The following MIPOL1 variants were observed in gnomAD, a reference collection of about 807,000 sequenced individuals.
The protein encoded by MIPOL1 is mirror-image polydactyly gene 1 protein.
Under a neutral mutation model 60.9 loss-of-function variants are expected in MIPOL1, and 57 were observed. That is an observed-to-expected ratio of 0.94 (90% CI 0.76 to 1.17). The LOEUF is 1.17. Ranked by LOEUF, MIPOL1 falls within the 50% of genes most tolerant of loss-of-function variation. The pLI is 0.00. For missense variants in MIPOL1, 551 were observed against 511.6 expected (o/e 1.08, Z -0.74); for synonymous variants, 179 against 168.8 (o/e 1.06, Z -0.47).
At chr14:37,398,559 A>T (rs1452214981) in intron 10 of MIPOL1, among the ~76,000 whole-genome samples, 2 of 152,160 alleles carry the variant, frequency 1.3e-5, no homozygotes, top group South Asian at 4.1e-4. Flanking sequence ...CAACAATAAT[A>T]GCCATTTTAG....
At chr14:37,245,367 C>A (rs957171950) in intron 1 of MIPOL1, among the ~76,000 whole-genome samples, 2 of 152,066 alleles carry the variant, frequency 1.3e-5, no homozygotes, top group Non-Finnish European at 2.9e-5. Flanking sequence ...AGGATTTAAA[C>A]ACATTGGCAC....
At position 37,483,269 on chromosome 14, in the gene MIPOL1, C is replaced by T. The variant is rs112671146; in HGVS notation, c.1032-16639C>T. The stretch of plus-strand genomic sequence containing the variant: ...CTGGGATTATGGGCTTATGCCACCA[C>T]GCCTGGCTAATTTTTTGTATTTTTT... On this transcript the variant is annotated intron_variant, in intron 11 of 12. Coordinates refer to ENST00000684589, the MANE Select transcript of MIPOL1 (RefSeq NM_001388067.1). Among the ~76,000 whole-genome samples, 22 of 151,338 alleles carry T rather than the reference C, an allele frequency of 1.5e-4. 1 individual carries two copies. The highest frequency in any genetic ancestry group is 3.4e-4 in the African/African-American group (14 of 41,236).
chr14:37,340,733 T>G (rs925755557), intron 9 of MIPOL1, among the ~76,000 whole-genome samples: 2 of 152,144 alleles, frequency 1.3e-5, no homozygotes, highest in African/African-American at 2.4e-5. Flanking sequence ...AGATTAATTT[T>G]TTATTGAAGC....
At chr14:37,477,840 G>A (rs2094801588) in intron 11 of MIPOL1, among the ~76,000 whole-genome samples, 1 of 152,218 alleles carries the variant, frequency 6.6e-6, no homozygotes, top group African/African-American at 2.4e-5. Flanking sequence ...TGAACAGCAG[G>A]TCACTGTAAT....
intron 11 of MIPOL1, among the ~76,000 whole-genome samples, chr14:37,432,686 A>G: frequency 6.6e-6 from 1 of 152,276 alleles, no homozygotes; most frequent in Middle Eastern, 3.4e-3. Flanking sequence ...CCTTTCTTAA[A>G]ATTTAGAATT....
At chr14:37,275,193 C>T (rs1269815082) in intron 6 of MIPOL1, among the ~76,000 whole-genome samples, 1 of 151,088 alleles carries the variant, frequency 6.6e-6, no homozygotes, top group Non-Finnish European at 1.5e-5. Context: ...AAATGACCAT[C>T]TCACTCCTTA....
At chr14:37,362,929 A>G (rs2092328562) in intron 9 of MIPOL1, among the ~76,000 whole-genome samples, 1 of 152,130 alleles carries the variant, frequency 6.6e-6, no homozygotes, top group Admixed American at 6.5e-5. Context: ...ATGTGTCACG[A>G]CATTCTTGTG....
chr14:37,329,387 T>C (rs931834419), intron 9 of MIPOL1, among the ~76,000 whole-genome samples: 30 of 152,172 alleles, frequency 2.0e-4, no homozygotes, highest in African/African-American at 5.8e-4. Flanking sequence ...ACACTAGTTA[T>C]CATACTTACA....
chr14:37,330,648 T>C (rs1182054962), intron 9 of MIPOL1, among the ~76,000 whole-genome samples: 2 of 151,890 alleles, frequency 1.3e-5, no homozygotes, highest in East Asian at 1.9e-4. Context: ...AGGGCTGTTA[T>C]CAGAACATCA....
In MIPOL1 at chr14:37,268,781, A is replaced by T. The variant is rs141637706; in HGVS notation, c.375A>T (p.Thr125=). Residue 125 remains threonine (T), a synonymous_variant, in exon 5 of 13, where the codon ACA becomes ACT. Coordinates refer to ENST00000684589, the MANE Select transcript of MIPOL1 (RefSeq NM_001388067.1). ...TAAAAGAATTGGATATTCTCAGAAC[A>T]AGCAATAAAAAGGTATAATATGGAA... ...FLLKELDILR[T]SNKKLQQKLA... 3.9e-5 allele frequency: 62 copies of T among 1,575,802 alleles called. No homozygotes were observed. The African/African-American group carries it at 7.2e-4, about 18-fold the overall frequency.
chr14:37,267,261 G>T, intron 4 of MIPOL1, 92 bp downstream of exon 4: 1 of 912,442 alleles, frequency 1.1e-6, no homozygotes, highest in South Asian at 1.5e-5. Flanking sequence ...GACGAGGTGG[G>T]TGGATCACTT....
intron 11 of MIPOL1, among the ~76,000 whole-genome samples, chr14:37,482,575 G>A (rs1232779381): frequency 2.0e-5 from 3 of 152,174 alleles, no homozygotes; most frequent in Non-Finnish European, 4.4e-5. Flanking sequence ...GCAGGAGAGA[G>A]AAGTGCAAGC....
chr14:37,238,201 C>G (rs1321698127), intron 1 of MIPOL1, among the ~76,000 whole-genome samples: 1 of 152,146 alleles, frequency 6.6e-6, no homozygotes, highest in Admixed American at 6.5e-5. Flanking sequence ...TTTTGCAATA[C>G]ATGTTTTAAC....
chr14:37,246,962 T>C (rs1973288669), intron 1 of MIPOL1, 141 bp from the exon 2 acceptor site: 1 of 152,140 alleles, frequency 6.6e-6, no homozygotes, highest in Non-Finnish European at 1.5e-5. Context: ...TATTAAAGAC[T>C]GTATTTTCTA....
chr14:37,536,966 A>G (rs2095508999), intron 12 of MIPOL1, among the ~76,000 whole-genome samples: 1 of 152,186 alleles, frequency 6.6e-6, no homozygotes, highest in Admixed American at 6.5e-5. Flanking sequence ...CAAAAACTAG[A>G]CTGATAATGC....
At chr14:37,319,189 C>G (rs563877708) in intron 9 of MIPOL1, among the ~76,000 whole-genome samples, 8 of 152,138 alleles carry the variant, frequency 5.3e-5, no homozygotes, top group African/African-American at 1.7e-4. Context: ...ACTCACCTGC[C>G]ATTGAGAGTT....
chr14:37,359,443 G>A (rs1233121045), intron 9 of MIPOL1, among the ~76,000 whole-genome samples: 1 of 152,132 alleles, frequency 6.6e-6, no homozygotes, highest in Non-Finnish European at 1.5e-5. Flanking sequence ...CCATTTTCAT[G>A]ATATTGATTC....
At chr14:37,285,719 G>A (rs890006010) in intron 7 of MIPOL1, among the ~76,000 whole-genome samples, 1 of 151,632 alleles carries the variant, frequency 6.6e-6, no homozygotes, top group African/African-American at 2.4e-5. Context: ...AGCCTCCCAA[G>A]TAGCTGGGAC....
Position 37,463,442 on chromosome 14 carries a change from A to C in MIPOL1, c.1032-36466A>C, listed in dbSNP as rs1475642374. ...ATCAATGGAACAGAACAAAGAACCC[A>C]AAAATAAAGCTGCATGCCTACAACC... On this transcript the variant is annotated intron_variant, in intron 11 of 12. Coordinates refer to ENST00000684589, the MANE Select transcript of MIPOL1 (RefSeq NM_001388067.1). Among the ~76,000 whole-genome samples, 11 of 152,208 alleles carry C rather than the reference A, an allele frequency of 7.2e-5. No homozygotes were observed. In the East Asian group the frequency reaches 2.1e-3, roughly 29 times the overall value.
Sources: allele counts gnomAD v4.1 joint callset (sites outside exome capture counted in the v4.1 genomes callset), GRCh38; gene constraint gnomAD v4.1.1; transcripts MANE v1.5; gene names NCBI Gene and HGNC (gene_info 2026-07-23, HGNC 2026-07-21).